ADGRB1: variants seen among roughly 807,000 people sequenced by gnomAD.
ADGRB1 encodes the protein brain-specific angiogenesis inhibitor 1.
Under a neutral mutation model 175.7 loss-of-function variants are expected in ADGRB1, and 36 were observed. The ratio of observed to expected loss-of-function variants is 0.20; its 90% CI spans 0.16 to 0.27. The LOEUF (loss-of-function observed/expected upper bound fraction) is 0.27, where lower values mean the gene tolerates loss of function less well. Ranked by LOEUF, ADGRB1 falls within the 10% of genes least tolerant of loss-of-function variation. The pLI is 1.00. For synonymous variants in ADGRB1, 1,054 were observed against 979.4 expected (o/e 1.08, Z -1.42); for missense variants, 1,731 against 2,255.3 (o/e 0.77, Z 4.71).
intron 23 of ADGRB1, among the ~76,000 whole-genome samples, chr8:142,525,102 G>C (rs908462367): frequency 3.3e-5 from 5 of 152,130 alleles, no homozygotes; most frequent in African/African-American, 9.7e-5. Context: ...GGCACAGGCT[G>C]GGCCTAGCAG....
chr8:142,451,503 T>G (rs1413406430), intron 1 of ADGRB1, among the ~76,000 whole-genome samples: 1 of 151,888 alleles, frequency 6.6e-6, no homozygotes, highest in Non-Finnish European at 1.5e-5. Flanking sequence ...CCGGAGTAGT[T>G]GAAAGGCAGG....
chr8:142,484,147 G>A lies in ADGRB1; in HGVS notation c.2199+102G>A, dbSNP rs1365291945. ...GGCCTGGGGTGGGGTCCCGCCGGGT[G>A]CTCTGGGTTTGGATCTCAGGATGGT... On this transcript the variant is annotated intron_variant, in intron 12 of 30. Transcript: ENST00000517894. 6.8e-6 allele frequency: 7 copies of A among 1,027,540 alleles called. No homozygotes were observed. The African/African-American group carries it at 1.1e-4, about 17-fold the overall frequency. 63.7% of individuals were successfully genotyped at this position (1,027,540 alleles called of 1,614,324 possible).
chr8:142,489,194 G>A (rs1314159479), intron 15 of ADGRB1, 84 bp downstream of exon 15: 3 of 1,546,112 alleles, frequency 1.9e-6, no homozygotes, highest in African/African-American at 1.4e-5. Flanking sequence ...GAAGGGGGAG[G>A]CCAGGGGGCC....
At chr8:142,498,018 C>T (rs761612656) in intron 17 of ADGRB1, among the ~76,000 whole-genome samples, 15 of 152,290 alleles carry the variant, frequency 9.8e-5, no homozygotes, top group Admixed American at 3.3e-4. Context: ...CTGCCTGGCC[C>T]AGGGGCCTCT....
Position 142,456,858 on chromosome 8 carries a change from G to A in ADGRB1, c.-220+6754G>A, listed in dbSNP as rs534565145. Among the ~76,000 whole-genome samples the A allele has an allele frequency of 1.1e-4, 17 of 152,384 alleles. No homozygotes were observed. The South Asian group carries it at 1.7e-3, about 15-fold the overall frequency. On this transcript the variant is annotated intron_variant, in intron 1 of 30. Coordinates refer to ENST00000517894, the MANE Select transcript of ADGRB1 (RefSeq NM_001702.3). Reference sequence around the variant, plus strand: ...AGGAGACCAGCCACTTTGGAGTCCAGGCTGAGTGCAGCCTCCTCCTCAGGT... The same window carrying A: ...AGGAGACCAGCCACTTTGGAGTCCAAGCTGAGTGCAGCCTCCTCCTCAGGT...
At chr8:142,457,925 G>A (rs1839768463) in intron 1 of ADGRB1, among the ~76,000 whole-genome samples, 1 of 152,200 alleles carries the variant, frequency 6.6e-6, no homozygotes. Flanking sequence ...TGGGGGCCGT[G>A]GGCACCCTGA....
chr8:142,539,394 G>A lies in ADGRB1; in HGVS notation c.3687G>A (p.Val1229=), dbSNP rs1212097273. 4 of 1,599,134 alleles carry A rather than the reference G, an allele frequency of 2.5e-6. No individual in the cohort carries two copies. Among genetic ancestry groups the A allele is most frequent in the Non-Finnish European group, 3.4e-6 (4 of 1,173,650 alleles). ...TACAGACCGACTTCGAGAAGGACGTGGATCTGGCCTGTAGATCAGGTGAGC... is the reference window on the plus strand; with the variant it reads ...TACAGACCGACTTCGAGAAGGACGTAGATCTGGCCTGTAGATCAGGTGAGC... ...AQLMTDFEKD[V]DLACRSVLNK... The change falls in exon 27 of 31, where the codon GTG becomes GTA. Residue 1229 remains valine (V), a synonymous_variant. Transcript: ENST00000517894.
chr8:142,522,552 C>T, intron 21 of ADGRB1, 89 bp from the exon 22 acceptor site: 1 of 1,320,044 alleles, frequency 7.6e-7, no homozygotes, highest in Non-Finnish European at 1.0e-6. Context: ...GCCTGCCTGG[C>T]CCCCGCCCTT....
chr8:142,512,127 C>T (rs944095957), intron 18 of ADGRB1, among the ~76,000 whole-genome samples: 2 of 152,224 alleles, frequency 1.3e-5, no homozygotes, highest in Non-Finnish European at 2.9e-5. Flanking sequence ...CAGGCCATTG[C>T]CAGTAAAATC....
At chr8:142,541,133 G>A (rs1184965454) in intron 27 of ADGRB1, among the ~76,000 whole-genome samples, 1 of 152,018 alleles carries the variant, frequency 6.6e-6, no homozygotes, top group South Asian at 2.1e-4. Context: ...AGGGCCCTGG[G>A]GTCTGGATCT....
In ADGRB1 at chr8:142,479,472, A is replaced by G; in HGVS notation, c.1711A>G (p.Thr571Ala). The change falls in exon 8 of 31, where the codon ACC (threonine) becomes GCC (alanine). Residue 571 changes from threonine to alanine, a missense_variant. Thr to Ala is a moderately conservative substitution (Grantham distance 58). Transcript: ENST00000517894. ...GPQDEYRQCG[T>A]QRCPEPHEIC... ...CCAGGATGAGTACCGGCAGTGCGGC[A>G]CCCAGCGGTGTCCCGGTGAGGCCCC... 2 of 1,553,020 alleles carry G rather than the reference A, an allele frequency of 1.3e-6. No individual in the cohort carries two copies. The highest frequency in any genetic ancestry group is 8.7e-7 in the Non-Finnish European group (1 of 1,155,868).
chr8:142,463,872 C>T (rs1042989043), intron 1 of ADGRB1, 108 bp from the exon 2 acceptor site: 1 of 243,434 alleles, frequency 4.1e-6, no homozygotes, highest in African/African-American at 2.3e-5. Context: ...GTCCTCCTGC[C>T]CTCGTTGGTA....
chr8:142,499,087 G>A (rs1842360715), intron 17 of ADGRB1, among the ~76,000 whole-genome samples: 1 of 152,246 alleles, frequency 6.6e-6, no homozygotes, highest in Admixed American at 6.5e-5. Context: ...TGCCAAGTGG[G>A]GGAGCCCGTG....
At chr8:142,481,219 C>G in intron 9 of ADGRB1, 35 bp from the exon 10 acceptor site, 1 of 1,588,128 alleles carries the variant, frequency 6.3e-7, no homozygotes, top group South Asian at 1.1e-5. Flanking sequence ...GGCCAGGCAG[C>G]GGGCATCCAC....
In ADGRB1 at chr8:142,526,571, C is replaced by T; in HGVS notation, c.3342C>T (p.Phe1114=). Reference sequence around the variant, plus strand: ...ACATGGTCATTGGGATCCTGGTGTTCAACAAGCTCGTGTCCAAAGACGGCA... The same window carrying T: ...ACATGGTCATTGGGATCCTGGTGTTTAACAAGCTCGTGTCCAAAGACGGCA... The part of the protein sequence containing the change: ...LVNMVIGILV[F]NKLVSKDGIT... The change falls in exon 24 of 31, where the codon TTC becomes TTT. Residue 1114 remains phenylalanine, a synonymous_variant. Transcript: ENST00000517894. 7.0e-7 allele frequency: 1 copy of T among 1,432,780 alleles called. No homozygotes were observed. Among genetic ancestry groups the T allele is most frequent in the South Asian group, 1.1e-5 (1 of 88,244 alleles). 88.8% of individuals were successfully genotyped at this position (1,432,780 alleles called of 1,614,324 possible).
rs2131903473 is a variant in ADGRB1 at position 142,493,748 on chromosome 8, C to A, written c.2675+2933C>A. On this transcript the variant is annotated intron_variant, in intron 17 of 30. Transcript: ENST00000517894. This position sits in a 1 kb window ranked among gnomAD's most constrained non-coding sequence, Gnocchi z 5.0. ...CGAGGCCTTCTGCTCTGGAACTGGG[C>A]AGCCTGGAGCCCTAGAGGGCGGGCC... is the stretch of plus-strand genomic sequence containing the variant. 6.6e-6 allele frequency among the ~76,000 whole-genome samples: 1 copy of A among 152,378 alleles called. No homozygotes were observed. The highest frequency in any genetic ancestry group is 2.1e-4 in the South Asian group (1 of 4,832).
At position 142,542,692 on chromosome 8, in the gene ADGRB1, G is replaced by A. The variant is rs931226790; in HGVS notation, c.4413+45G>A. The A allele has an allele frequency of 1.3e-6, 2 of 1,487,864 alleles. No homozygotes were observed. The highest frequency in any genetic ancestry group is 1.5e-5 in the African/African-American group (1 of 68,704). 92.2% of individuals were successfully genotyped at this position (1,487,864 alleles called of 1,614,324 possible). On this transcript the variant is annotated intron_variant, in intron 28 of 30. Coordinates refer to ENST00000517894, the MANE Select transcript of ADGRB1 (RefSeq NM_001702.3). The surrounding 1 kb of genome is among the most constrained non-coding windows in gnomAD (Gnocchi z 6.3). ...GCCACACCCCAGCCAGCGAGGGCAG[G>A]GCTGCAGCAGCTGGGTCACCCCTGC...
intron 24 of ADGRB1, among the ~76,000 whole-genome samples, chr8:142,530,917 C>G (rs1028346501): frequency 6.6e-6 from 1 of 152,242 alleles, no homozygotes; most frequent in African/African-American, 2.4e-5. Context: ...TCCCACCGCT[C>G]TCTGCAGAAA....
intron 2 of ADGRB1, among the ~76,000 whole-genome samples, chr8:142,469,652 A>G (rs62511454): frequency 0.098 from 13,192 of 135,276 alleles, 743 homozygotes; most frequent in Middle Eastern, 0.19. Context: ...CGTGCGTGTG[A>G]ACGCAAGTGC....
Sources: gnomAD v4.1 joint callset for allele counts (sites outside exome capture counted in the v4.1 genomes callset) on GRCh38, gnomAD v4.1.1 for gene constraint, Gnocchi (gnomAD v3.1) non-coding constraint, MANE v1.5 for transcripts, NCBI Gene and HGNC (gene_info 2026-07-23, HGNC 2026-07-21) for gene names.